Variants in OPCML observed in about 807,000 individuals in gnomAD.
OPCML encodes opioid-binding protein/cell adhesion molecule.
In OPCML, 13 loss-of-function variants were observed where a neutral mutation model predicts 37.8. That is an observed-to-expected ratio of 0.34 (90% confidence interval 0.22 to 0.55). The LOEUF (loss-of-function observed/expected upper bound fraction) is 0.55. Among genes scored for constraint, OPCML ranks in the 20% least tolerant of loss-of-function variants. The pLI is 0.91. For synonymous variants in OPCML, 176 were observed against 168.8 expected, an observed-to-expected ratio of 1.04 and a Z score of -0.33; for missense variants, 341 against 435.6, an observed-to-expected ratio of 0.78 and a Z score of 1.93.
At chr11:132,935,160 A>G (rs1945329978) in intron 2 of OPCML, among the ~76,000 whole-genome samples, 1 of 151,024 alleles carries the variant, frequency 6.6e-6, no homozygotes, top group Non-Finnish European at 1.5e-5. Flanking sequence ...AAAAAAAGCT[A>G]CATATTTTAA....
intron 1 of OPCML, among the ~76,000 whole-genome samples, chr11:133,077,422 T>A (rs893224688): frequency 1.3e-5 from 2 of 152,124 alleles, no homozygotes; most frequent in South Asian, 2.1e-4. Flanking sequence ...CCCTACCTAA[T>A]GACGCTTGTA....
intron 2 of OPCML, among the ~76,000 whole-genome samples, chr11:132,789,044 G>A (rs896837898): frequency 5.5e-5 from 8 of 144,898 alleles, no homozygotes; most frequent in Admixed American, 3.4e-4. Flanking sequence ...ATTCATCTAC[G>A]TGCACCCGAC....
At chr11:133,183,150 C>G (rs1937914486) in intron 1 of OPCML, among the ~76,000 whole-genome samples, 1 of 152,138 alleles carries the variant, frequency 6.6e-6, no homozygotes, top group African/African-American at 2.4e-5. Context: ...CTTTATGAGT[C>G]CCAATCTCAT....
intron 1 of OPCML, among the ~76,000 whole-genome samples, chr11:133,192,233 T>A (rs1213771999): frequency 2.0e-5 from 3 of 152,130 alleles, no homozygotes; most frequent in Non-Finnish European, 4.4e-5. Context: ...GAAGCCAGAG[T>A]CAATAATACT....
intron 1 of OPCML, among the ~76,000 whole-genome samples, chr11:133,398,881 T>C (rs1041222286): frequency 6.6e-6 from 1 of 152,166 alleles, no homozygotes; most frequent in Non-Finnish European, 1.5e-5. Flanking sequence ...ATTTCTCTCA[T>C]GTGAGTTGGG....
chr11:133,087,702 T>A (rs1274241588), intron 1 of OPCML, among the ~76,000 whole-genome samples: 1 of 152,220 alleles, frequency 6.6e-6, no homozygotes, highest in African/African-American at 2.4e-5. Context: ...ATATCTAACA[T>A]GCCAGCGTGC....
chr11:133,025,104 C>A (rs1947526954), intron 1 of OPCML: 10 of 755,318 alleles, frequency 1.3e-5, no homozygotes, highest in Non-Finnish European at 1.6e-5. Flanking sequence ...AATTTTCCTT[C>A]ATAGGGAGGA....
intron 3 of OPCML, among the ~76,000 whole-genome samples, chr11:132,531,000 C>T (rs1419933908): frequency 6.6e-6 from 1 of 152,136 alleles, no homozygotes; most frequent in African/African-American, 2.4e-5. Flanking sequence ...ATCTCTTCTG[C>T]TGCATTTTGT....
At position 132,546,377 on chromosome 11, in the gene OPCML, A is replaced by G. The variant is rs910536993; in HGVS notation, c.380-17191T>C. The stretch of plus-strand genomic sequence containing the variant: ...TGACTTCTGAGATTCTGGTGTACCC[A>G]TCACCCAAGTAGTATACACTGCACC... On this transcript the variant is annotated intron_variant, in intron 3 of 7. Transcript: ENST00000524381. Among the ~76,000 whole-genome samples, 6 of 152,278 alleles carry G rather than the reference A, an allele frequency of 3.9e-5. No individual in the cohort carries two copies. The Middle Eastern group carries it at 0.017, about 432-fold the overall frequency.
intron 2 of OPCML, among the ~76,000 whole-genome samples, chr11:132,867,695 C>T (rs1049550149): frequency 2.0e-5 from 3 of 152,184 alleles, no homozygotes; most frequent in African/African-American, 7.2e-5. Flanking sequence ...AATGGAAACC[C>T]AGTGAGTGGA....
At chr11:133,461,668 C>T (rs56266769) in intron 1 of OPCML, among the ~76,000 whole-genome samples, 8,815 of 151,806 alleles carry the variant, frequency 0.058, 806 homozygotes, top group African/African-American at 0.2. Context: ...AAAGACAACC[C>T]ATGTTCATGG....
At chr11:133,079,857 T>C (rs1268005777) in intron 1 of OPCML, among the ~76,000 whole-genome samples, 7 of 152,146 alleles carry the variant, frequency 4.6e-5, no homozygotes. Context: ...TTTTGCTCCA[T>C]AATGATGCCA....
At chr11:132,932,040 A>G (rs891506899) in intron 2 of OPCML, among the ~76,000 whole-genome samples, 1 of 152,224 alleles carries the variant, frequency 6.6e-6, no homozygotes, top group Non-Finnish European at 1.5e-5. Flanking sequence ...AATGCTATAA[A>G]ATACCAATTA....
chr11:133,113,581 A>G (rs1275380213), intron 1 of OPCML, among the ~76,000 whole-genome samples: 2 of 152,246 alleles, frequency 1.3e-5, no homozygotes, highest in Non-Finnish European at 2.9e-5. Flanking sequence ...TGCTCTTTTC[A>G]TAGTAGTTCA....
chr11:133,359,694 A>G (rs1455248300), intron 1 of OPCML, among the ~76,000 whole-genome samples: 2 of 152,202 alleles, frequency 1.3e-5, no homozygotes, highest in East Asian at 1.9e-4. Flanking sequence ...ATGGTGTTCT[A>G]TACATTTGTA....
intron 2 of OPCML, among the ~76,000 whole-genome samples, chr11:132,808,313 C>T (rs993260181): frequency 1.3e-5 from 2 of 152,194 alleles, no homozygotes; most frequent in Non-Finnish European, 2.9e-5. Flanking sequence ...TGTCTTGATG[C>T]GCAGTGTGAG....
intron 1 of OPCML, among the ~76,000 whole-genome samples, chr11:133,372,126 C>T (rs1944688370): frequency 6.6e-6 from 1 of 152,114 alleles, no homozygotes; most frequent in Non-Finnish European, 1.5e-5. Context: ...AGTAGAGTGA[C>T]TATGGTTAGC....
intron 2 of OPCML, among the ~76,000 whole-genome samples, chr11:132,776,771 C>T (rs1465083244): frequency 4.6e-5 from 7 of 152,044 alleles, no homozygotes; most frequent in African/African-American, 1.7e-4. Context: ...TACAGAGACA[C>T]AAGAATGGAC....
At position 133,208,165 on chromosome 11, in the gene OPCML, T is replaced by C. The variant is rs1233589499; in HGVS notation, c.62-265155A>G. On this transcript the variant is annotated intron_variant, in intron 1 of 7. Coordinates refer to ENST00000524381, the MANE Select transcript of OPCML (RefSeq NM_001012393.5). The surrounding 1 kb of genome is among the most constrained non-coding windows in gnomAD (Gnocchi z 8.9). The stretch of plus-strand genomic sequence containing the variant: ...GTCTTCCTTACTGTATTATACATTA[T>C]GCTGGGGAAGGCAGACTGTCTATCT... Among the ~76,000 whole-genome samples the C allele has an allele frequency of 2.0e-5, 3 of 152,342 alleles. No individual in the cohort carries two copies. The highest frequency in any genetic ancestry group is 4.4e-5 in the Non-Finnish European group (3 of 68,030).
Sources: allele counts gnomAD v4.1 joint callset (sites outside exome capture counted in the v4.1 genomes callset), GRCh38; gene constraint gnomAD v4.1.1; non-coding constraint Gnocchi (gnomAD v3.1); transcripts MANE v1.5; gene names NCBI Gene and HGNC (gene_info 2026-07-23, HGNC 2026-07-21).